Variants in BAHCC1 observed in about 807,000 individuals in gnomAD.
BAHCC1 encodes BAH domain and coiled-coil containing 1, also known as BAH and coiled-coil domain-containing protein 1.
A neutral mutation model predicts 88.2 loss-of-function variants in BAHCC1; 43 were observed. The observed-to-expected ratio is 0.49, with a 90% confidence interval of 0.38 to 0.63. The LOEUF is 0.63. Ranked by LOEUF, BAHCC1 falls within the 20% of genes least tolerant of loss-of-function variation. The pLI is 0.00. For missense variants in BAHCC1, 3,023 were observed against 1,654.8 expected (o/e 1.83, Z -14.34); for synonymous variants, 1,510 against 745.5 (o/e 2.03, Z -16.71).
intron 4 of BAHCC1, 113 bp downstream of exon 4, chr17:81,438,605 G>C (rs563981451): frequency 1.5e-6 from 1 of 672,658 alleles, no homozygotes; most frequent in South Asian, 1.6e-5. Flanking sequence ...CTCCCACCAG[G>C]TGTCATCGAG....
At chr17:81,431,715 C>T (rs1315620545) in intron 3 of BAHCC1, among the ~76,000 whole-genome samples, 8 of 152,224 alleles carry the variant, frequency 5.3e-5, no homozygotes, top group African/African-American at 9.7e-5. Context: ...CACAGTGGTG[C>T]TTGCGCCCAT....
intron 3 of BAHCC1, among the ~76,000 whole-genome samples, chr17:81,428,731 T>C (rs1401752672): frequency 2.0e-5 from 3 of 152,200 alleles, no homozygotes; most frequent in African/African-American, 7.2e-5. Context: ...CACAACGGCC[T>C]CTAGACACTC....
chr17:81,443,097 C>A lies in BAHCC1; in HGVS notation c.1748C>A (p.Pro583Gln), dbSNP rs570255701. 10 of 778,114 alleles carry A rather than the reference C, an allele frequency of 1.3e-5. No homozygotes were observed. The highest frequency in any genetic ancestry group is 9.4e-5 in the South Asian group (7 of 74,606). The allele number at this position is 778,114 out of a possible 1,614,324, so 48.2% of individuals were successfully genotyped here. A position where few individuals can be genotyped will look rare whatever the true frequency, so the allele number is the denominator to read the frequency against. The change falls in exon 5 of 28, where the codon CCA (proline) becomes CAA (glutamine). Residue 583 changes from proline to glutamine, a missense_variant. Physicochemically the swap from Pro to Gln is moderately conservative, Grantham distance 76. Transcript: ENST00000675386. ...SLGYSGPHLP[P>Q]WGVQAGQGTA... Reference sequence around the variant, plus strand: ...GGCTACAGTGGGCCCCACCTGCCCCCATGGGGTGTCCAGGCAGGCCAGGGC... The same window carrying A: ...GGCTACAGTGGGCCCCACCTGCCCCAATGGGGTGTCCAGGCAGGCCAGGGC...
chr17:81,429,225 G>A (rs1338381299), intron 3 of BAHCC1, among the ~76,000 whole-genome samples: 1 of 152,198 alleles, frequency 6.6e-6, no homozygotes, highest in African/African-American at 2.4e-5. Context: ...GCCCGCCTGG[G>A]CCCCAGAATG....
intron 2 of BAHCC1, among the ~76,000 whole-genome samples, chr17:81,420,586 C>G (rs980410337): frequency 6.6e-6 from 1 of 152,244 alleles, no homozygotes; most frequent in Non-Finnish European, 1.5e-5. Flanking sequence ...TGCTGTCTCC[C>G]GAAACCATTT....
chr17:81,450,282 G>A (rs77315417), intron 11 of BAHCC1, among the ~76,000 whole-genome samples: 7,049 of 151,938 alleles, frequency 0.046, 208 homozygotes, highest in African/African-American at 0.063. Context: ...GTCCTTGTGG[G>A]ATCAGCCCAT....
rs1555657644 is a variant in BAHCC1 at position 81,457,570 on chromosome 17, G to A, written c.5019G>A (p.Lys1673=). The A allele has an allele frequency of 5.4e-6, 4 of 746,464 alleles. No individual in the cohort carries two copies. Among genetic ancestry groups the A allele is most frequent in the Non-Finnish European group, 7.5e-6 (3 of 401,342 alleles). 46.2% of individuals were successfully genotyped at this position (746,464 alleles called of 1,614,324 possible). ...KMEANQKAKK[K]KERQGLLGAC... ...AGGCCAACCAGAAGGCCAAGAAGAA[G>A]AAGGAGAGGCAGGGGTTGCTAGGTA... Residue 1673 remains lysine, a synonymous_variant, in exon 17 of 28, where the codon AAG becomes AAA. Coordinates refer to ENST00000675386, the MANE Select transcript of BAHCC1 (RefSeq NM_001377448.1).
At chr17:81,426,141 T>G (rs2064194506) in intron 2 of BAHCC1, among the ~76,000 whole-genome samples, 1 of 126,074 alleles carries the variant, frequency 7.9e-6, no homozygotes, top group Non-Finnish European at 1.7e-5. Context: ...TTGGTGGTGA[T>G]AGTGGTGGGT....
In BAHCC1 at chr17:81,443,329, C is replaced by T. The variant is rs377055909; in HGVS notation, c.1980C>T (p.Ala660=). ...APLVGLGGLK[A]SCIQQEAKFL... ...TGGTGGGCCTGGGTGGCCTCAAGGC[C>T]AGCTGCATCCAGCAGGAAGCAAAGT... Residue 660 remains alanine, a synonymous_variant, in exon 5 of 28, where the codon GCC becomes GCT. Coordinates refer to ENST00000675386, the MANE Select transcript of BAHCC1 (RefSeq NM_001377448.1). 27 of 779,158 alleles carry T rather than the reference C, an allele frequency of 3.5e-5. No homozygotes were observed. In the African/African-American group the frequency reaches 3.7e-4, roughly 11 times the overall value. 48.3% of individuals were successfully genotyped at this position (779,158 alleles called of 1,614,324 possible).
chr17:81,400,162 G>A (rs34386017), intron 2 of BAHCC1, among the ~76,000 whole-genome samples: 51,863 of 151,944 alleles, frequency 0.34, 9,877 homozygotes, highest in East Asian at 0.84. Context: ...CCCGGAGCCG[G>A]CTGAAATTAA....
intron 27 of BAHCC1, among the ~76,000 whole-genome samples, chr17:81,463,246 C>T (rs186447222): frequency 1.3e-3 from 191 of 152,294 alleles, no homozygotes; most frequent in African/African-American, 4.3e-3. Flanking sequence ...TGTGGCGGCC[C>T]CCACCCCGTG....
chr17:81,438,288 C>G (rs1555651999), intron 3 of BAHCC1, 82 bp from the exon 4 acceptor site: 78 of 752,522 alleles, frequency 1.0e-4, no homozygotes. Flanking sequence ...TGCCTGCCGG[C>G]TTCTTGCCTC....
At chr17:81,462,669 T>C in intron 26 of BAHCC1, 71 bp from the exon 27 acceptor site, 1 of 700,476 alleles carries the variant, frequency 1.4e-6, no homozygotes, top group South Asian at 1.6e-5. Flanking sequence ...ACACCCTCCA[T>C]GCCTCCTGGC....
rs1568024542 is a variant in BAHCC1 at position 81,447,537 on chromosome 17, C to CTGAGGAGGACGAGCT, written c.3666_3680dup (p.Glu1228_Leu1232dup). 1.3e-6 allele frequency: 1 copy of CTGAGGAGGACGAGCT among 755,596 alleles called. No individual in the cohort carries two copies. Among genetic ancestry groups the CTGAGGAGGACGAGCT allele is most frequent in the African/African-American group, 1.7e-5 (1 of 58,736 alleles). 46.8% of individuals were successfully genotyped at this position (755,596 alleles called of 1,614,324 possible). On this transcript the variant is annotated inframe_insertion, in exon 11 of 28. Transcript: ENST00000675386. ...GAGGACGAGGGGGAGCAGCCGGCCC[C>CTGAGGAGGACGAGCT]TGAGGAGGACGAGCTGGAGGAAGAC...
intron 3 of BAHCC1, among the ~76,000 whole-genome samples, chr17:81,431,135 TTC>T (rs1269031812): frequency 6.6e-6 from 1 of 152,004 alleles, no homozygotes; most frequent in Admixed American, 6.5e-5. Context: ...TCCCGCCAGC[TTC>T]TCTCAGCCAG....
At position 81,399,833 on chromosome 17, in the gene BAHCC1, C is replaced by T. The variant is rs782580877; in HGVS notation, c.94C>T (p.Pro32Ser). The change falls in exon 2 of 28, where the codon CCG becomes TCG. Residue 32 changes from proline (P) to serine (S), a missense_variant. Pro to Ser is a moderately conservative substitution (Grantham distance 74). Coordinates refer to ENST00000675386, the MANE Select transcript of BAHCC1 (RefSeq NM_001377448.1). This position sits in a 1 kb window ranked among gnomAD's most constrained non-coding sequence, Gnocchi z 4.5. ...CGCCGCTGCCGCCGCGCGTCTCGCCCCGGCTGGGCCCGCCGCGCAGCCCCC... is the reference window on the plus strand; with the variant it reads ...CGCCGCTGCCGCCGCGCGTCTCGCCTCGGCTGGGCCCGCCGCGCAGCCCCC... ...RSAAAAARLA[P>S]AGPAAQPPAH... 3.5e-5 allele frequency: 47 copies of T among 1,347,178 alleles called. 1 individual carries two copies. The South Asian group carries it at 6.7e-4, about 19-fold the overall frequency. The allele number at this position is 1,347,178 out of a possible 1,614,324, so 83.5% of individuals were successfully genotyped here.
chr17:81,416,439 CGTGT>C lies in BAHCC1; in HGVS notation c.179-10352_179-10349del, dbSNP rs36171726. On this transcript the variant is annotated intron_variant, in intron 2 of 27. Transcript: ENST00000675386. Reference sequence around the variant, plus strand: ...GTGTCCATGAGGGTGGGTGTATGTGCGTGTGTGTGTGTCCATTGAGGGTGTGTGT... The same window carrying C: ...GTGTCCATGAGGGTGGGTGTATGTGCGTGTGTGTCCATTGAGGGTGTGTGT... 5.0e-4 allele frequency among the ~76,000 whole-genome samples: 13 copies of C among 26,240 alleles called. No individual in the cohort carries two copies. The East Asian group carries it at 8.8e-3, about 18-fold the overall frequency. The allele number at this position is 26,240 out of a possible 152,430, so 17.2% of individuals were successfully genotyped here. A position where few individuals can be genotyped will look rare whatever the true frequency, so the allele number is the denominator to read the frequency against.
chr17:81,421,472 C>T (rs1480462724), intron 2 of BAHCC1, among the ~76,000 whole-genome samples: 1 of 152,216 alleles, frequency 6.6e-6, no homozygotes, highest in Non-Finnish European at 1.5e-5. Context: ...CCGGGCTCCT[C>T]GGGAGCTGAG....
intron 2 of BAHCC1, chr17:81,412,973 T>A (rs2063973455): frequency 3.6e-6 from 1 of 280,076 alleles, no homozygotes; most frequent in African/African-American, 2.3e-5. Context: ...GGAAGCTCGG[T>A]GCGGGTGCGG....
Sources: allele counts gnomAD v4.1 joint callset (sites outside exome capture counted in the v4.1 genomes callset), GRCh38; gene constraint gnomAD v4.1.1; non-coding constraint Gnocchi (gnomAD v3.1); transcripts MANE v1.5; gene names NCBI Gene and HGNC (gene_info 2026-07-23, HGNC 2026-07-21).